TRAM2: variants seen among roughly 807,000 people sequenced by gnomAD.
The protein encoded by TRAM2 is translocating chain-associated membrane protein 2.
In TRAM2, 12 loss-of-function variants were observed where a neutral mutation model predicts 51.0. The ratio of observed to expected loss-of-function variants is 0.24; its 90% CI spans 0.15 to 0.38. The LOEUF is 0.38. Among genes scored for constraint, TRAM2 ranks in the 10% least tolerant of loss-of-function variants. The pLI is 1.00. For synonymous variants in TRAM2, 175 were observed against 179.4 expected, an observed-to-expected ratio of 0.98 and a Z score of 0.20; for missense variants, 361 against 462.0, an observed-to-expected ratio of 0.78 and a Z score of 2.00.
At chr6:52,515,359 G>GT (rs1399772812) in intron 4 of TRAM2, among the ~76,000 whole-genome samples, 1 of 152,224 alleles carries the variant, frequency 6.6e-6, no homozygotes, top group Non-Finnish European at 1.5e-5. Context: ...GAATTTTGCT[G>GT]TATCAAAGGC....
chr6:52,565,381 T>C (rs903621693), intron 1 of TRAM2, among the ~76,000 whole-genome samples: 2 of 152,004 alleles, frequency 1.3e-5, no homozygotes, highest in Non-Finnish European at 2.9e-5. Flanking sequence ...GAACAGACAC[T>C]GGGGGCAAGG....
chr6:52,534,971 T>G (rs1418145425), intron 2 of TRAM2, among the ~76,000 whole-genome samples: 1 of 152,188 alleles, frequency 6.6e-6, no homozygotes, highest in Non-Finnish European at 1.5e-5. Context: ...AAGCTTGTGA[T>G]GCAGCAGCTC....
chr6:52,568,774 A>G (rs1268473151), intron 1 of TRAM2, among the ~76,000 whole-genome samples: 2 of 152,174 alleles, frequency 1.3e-5, no homozygotes, highest in Non-Finnish European at 2.9e-5. Flanking sequence ...AGAAAAATTA[A>G]ATACCCTCTA....
intron 1 of TRAM2, among the ~76,000 whole-genome samples, chr6:52,541,803 G>GTTTTTTTTTTTTTTTTTTTTTTTTTT (rs56919932): frequency 1.1e-4 from 15 of 138,698 alleles, no homozygotes; most frequent in South Asian, 4.7e-4. Flanking sequence ...AGTTTATTCT[G>GTTTTTTTTTTTTTTTTTTTTTTTTTT]TTTTTTTTTT....
Position 52,508,295 on chromosome 6 carries a change from A to T in TRAM2, c.494T>A (p.Leu165Gln). ...HLPFQVKFFYLCQLAYWLHAL... is the reference protein window; with the variant it reads ...HLPFQVKFFYQCQLAYWLHAL... Reference sequence around the variant, plus strand: ...GTGCAGCCAGTAGGCCAGCTGGCATAGGTAGAAAAACTTCACCTGGAAGCT... The same window carrying T: ...GTGCAGCCAGTAGGCCAGCTGGCATTGGTAGAAAAACTTCACCTGGAAGCT... Residue 165 changes from leucine to glutamine, a missense_variant, in exon 6 of 11, where the codon CTA becomes CAA. Leu to Gln is a moderately radical substitution (Grantham distance 113, BLOSUM62 -2). Transcript: ENST00000182527. 6.2e-7 allele frequency: 1 copy of T among 1,613,928 alleles called. No individual in the cohort carries two copies. Among genetic ancestry groups the T allele is most frequent in the Non-Finnish European group, 8.5e-7 (1 of 1,180,020 alleles).
chr6:52,556,319 C>T (rs952819415), intron 1 of TRAM2, among the ~76,000 whole-genome samples: 27 of 151,436 alleles, frequency 1.8e-4, no homozygotes, highest in Non-Finnish European at 3.7e-4. Context: ...CTTGCTGTCT[C>T]GCCCAGACTG....
chr6:52,532,799 A>G (rs1766914841), intron 2 of TRAM2, among the ~76,000 whole-genome samples: 1 of 150,172 alleles, frequency 6.7e-6, no homozygotes, highest in Admixed American at 6.6e-5. Flanking sequence ...GGTTCATCAT[A>G]TTATAAAAAC....
chr6:52,503,172 G>C lies in TRAM2; in HGVS notation c.*25C>G, dbSNP rs375684959. ...CCCCCTGCTCGGCCCCCACCAAGAG[G>C]ATTCCTGTTCTTAGCACTTTGGCCT... On this transcript the variant is annotated 3_prime_UTR_variant, in exon 11 of 11. Coordinates refer to ENST00000182527, the MANE Select transcript of TRAM2 (RefSeq NM_012288.4). 6.2e-7 allele frequency: 1 copy of C among 1,605,790 alleles called. No individual in the cohort carries two copies. The highest frequency in any genetic ancestry group is 2.2e-5 in the East Asian group (1 of 44,776).
chr6:52,516,717 G>C lies in TRAM2; in HGVS notation c.205C>G (p.His69Asp). The C allele has an allele frequency of 6.2e-7, 1 of 1,613,902 alleles. No individual in the cohort carries two copies. Among genetic ancestry groups the C allele is most frequent in the East Asian group, 2.2e-5 (1 of 44,892 alleles). ...GTGACCAGGTCCTTAGGGCCATAGT[G>C]GTAGTGCACGGTCTCACTGTCTGTG... ...PTADSETVHY[H>D]YGPKDLVTIL... The change falls in exon 3 of 11, where the codon CAC becomes GAC. Residue 69 changes from histidine (H) to aspartate (D), a missense_variant. By Grantham distance (81) the His-to-Asp change is moderately conservative (BLOSUM62 -1). Transcript: ENST00000182527.
intron 2 of TRAM2, among the ~76,000 whole-genome samples, chr6:52,527,704 A>G (rs1008585115): frequency 3.9e-5 from 6 of 152,212 alleles, no homozygotes; most frequent in African/African-American, 1.4e-4. Flanking sequence ...CAAGCTCCAC[A>G]TGGAATGGGA....
chr6:52,523,921 T>G (rs544093452), intron 2 of TRAM2: 6 of 152,392 alleles, frequency 3.9e-5, no homozygotes, highest in Admixed American at 2.6e-4. Flanking sequence ...AAACACGCAT[T>G]CTTGGGCCCT....
At chr6:52,522,493 T>C (rs996139540) in intron 2 of TRAM2, among the ~76,000 whole-genome samples, 13 of 152,264 alleles carry the variant, frequency 8.5e-5, no homozygotes, top group Admixed American at 3.9e-4. Context: ...AAAACACATC[T>C]GTAGGCCAAC....
At chr6:52,521,806 T>G (rs1204667553) in intron 2 of TRAM2, among the ~76,000 whole-genome samples, 1 of 152,180 alleles carries the variant, frequency 6.6e-6, no homozygotes, top group East Asian at 1.9e-4. Flanking sequence ...GAGCTCCCAC[T>G]TCTCATAGAC....
At chr6:52,529,107 G>A (rs1766838062) in intron 2 of TRAM2, among the ~76,000 whole-genome samples, 1 of 152,050 alleles carries the variant, frequency 6.6e-6, no homozygotes, top group East Asian at 1.9e-4. Flanking sequence ...TAGCCAGGAT[G>A]GTCTCGATCT....
intron 2 of TRAM2, among the ~76,000 whole-genome samples, chr6:52,531,120 CA>C (rs35821052): frequency 2.8e-3 from 266 of 96,280 alleles, no homozygotes; most frequent in African/African-American, 8.5e-3. Context: ...CCTGGTTATG[CA>C]AAAAAAAAAA....
intron 2 of TRAM2, among the ~76,000 whole-genome samples, chr6:52,526,527 C>G (rs186901913): frequency 2.0e-5 from 3 of 152,136 alleles, no homozygotes; most frequent in African/African-American, 7.2e-5. Context: ...GCTGGAATTA[C>G]AGGTGTGCCC....
intron 1 of TRAM2, among the ~76,000 whole-genome samples, chr6:52,566,686 G>C (rs1262025557): frequency 6.6e-6 from 1 of 152,142 alleles, no homozygotes; most frequent in Non-Finnish European, 1.5e-5. Context: ...TATGACACCA[G>C]TGTGCTGAGT....
chr6:52,517,187 A>C (rs1766567086), intron 2 of TRAM2: 1 of 158,692 alleles, frequency 6.3e-6, no homozygotes, highest in South Asian at 1.9e-4. Flanking sequence ...TGGACTCAGA[A>C]GCTGGACTCT....
At chr6:52,531,746 TTC>T (rs2114083644) in intron 2 of TRAM2, among the ~76,000 whole-genome samples, 1 of 152,352 alleles carries the variant, frequency 6.6e-6, no homozygotes, top group South Asian at 2.1e-4. Context: ...CAGAAACATC[TTC>T]TGTCGCCACC....
Sources: gnomAD v4.1 joint callset for allele counts (sites outside exome capture counted in the v4.1 genomes callset) on GRCh38, gnomAD v4.1.1 for gene constraint, MANE v1.5 for transcripts, NCBI Gene and HGNC (gene_info 2026-07-23, HGNC 2026-07-21) for gene names.